Variants in SLC39A3 observed in about 807,000 individuals in gnomAD.
SLC39A3 encodes the protein solute carrier family 39 member 3.
A neutral mutation model predicts 5.1 loss-of-function variants in SLC39A3; 3 were observed. That is an observed-to-expected ratio of 0.59 (90% CI 0.27 to 1.54). SLC39A3 has a LOEUF of 1.54. Ranked by LOEUF, SLC39A3 falls within the 40% of genes most tolerant of loss-of-function variation. The probability of loss-of-function intolerance (pLI) is 0.12; values close to 1 mark genes in which losing one functional copy is unlikely to be tolerated. For synonymous variants in SLC39A3, 250 were observed against 218.8 expected, an observed-to-expected ratio of 1.14 and a Z score of -1.26; for missense variants, 412 against 436.4, an observed-to-expected ratio of 0.94 and a Z score of 0.50.
intron 1 of SLC39A3, chr19:2,737,826 A>T (rs532644269): frequency 6.5e-6 from 1 of 153,416 alleles, no homozygotes; most frequent in African/African-American, 2.4e-5. Context: ...TATATATATA[A>T]CTATTCCATT....
intron 1 of SLC39A3, among the ~76,000 whole-genome samples, chr19:2,738,391 C>A (rs923587860): frequency 6.6e-6 from 1 of 151,954 alleles, no homozygotes; most frequent in African/African-American, 2.4e-5. Context: ...CTTCCCCATG[C>A]CCCGAAATAA....
intron 1 of SLC39A3, among the ~76,000 whole-genome samples, chr19:2,738,843 A>G (rs1914456807): frequency 1.3e-5 from 2 of 152,084 alleles, no homozygotes; most frequent in South Asian, 4.2e-4. Flanking sequence ...AGGCTGAGGC[A>G]GGAGAATCAC....
At position 2,733,542 on chromosome 19, in the gene SLC39A3, A is replaced by G; in HGVS notation, c.211-57T>C. 1 of 1,549,722 alleles carries G rather than the reference A, an allele frequency of 6.5e-7. No homozygotes were observed. Among genetic ancestry groups the G allele is most frequent in the Non-Finnish European group, 8.7e-7 (1 of 1,150,214 alleles). ...AGACCCACGCTCAGGGGTGGCGGCG[A>G]CAGGGCTGGCCAGATGTCACCGTTC... On this transcript the variant is annotated intron_variant, in intron 2 of 2. Coordinates refer to ENST00000269740, the MANE Select transcript of SLC39A3 (RefSeq NM_144564.5). The surrounding 1 kb of genome is among the most constrained non-coding windows in gnomAD (Gnocchi z 6.1).
chr19:2,738,287 C>T (rs1447440700), intron 1 of SLC39A3, among the ~76,000 whole-genome samples: 2 of 151,824 alleles, frequency 1.3e-5, no homozygotes, highest in Non-Finnish European at 2.9e-5. Context: ...AGTAGTCACA[C>T]AAGCCTACTT....
chr19:2,738,936 C>CAA (rs1239798016), intron 1 of SLC39A3, among the ~76,000 whole-genome samples: 1 of 129,824 alleles, frequency 7.7e-6, no homozygotes, highest in Non-Finnish European at 1.7e-5. Flanking sequence ...GACTCTGTCT[C>CAA]AAAAAAAAAA....
At chr19:2,737,991 G>A (rs1914427966) in intron 1 of SLC39A3, among the ~76,000 whole-genome samples, 1 of 151,658 alleles carries the variant, frequency 6.6e-6, no homozygotes, top group Non-Finnish European at 1.5e-5. Context: ...CTGAGGTCAG[G>A]AATTCGAGAC....
Position 2,733,108 on chromosome 19 carries a change from T to C in SLC39A3, c.588A>G (p.Lys196=). ...CCACCCCCACGAACAGGCTCACCAC[T>C]TTCTCCCCCTCCTCCTGCAGGCCCA... is the stretch of plus-strand genomic sequence containing the variant. ...LALGLQEEGE[K]VVSLFVGVAV... The change falls in exon 3 of 3, where the codon AAA becomes AAG. Residue 196 remains lysine, a synonymous_variant. Coordinates refer to ENST00000269740, the MANE Select transcript of SLC39A3 (RefSeq NM_144564.5). The surrounding 1 kb of genome is among the most constrained non-coding windows in gnomAD (Gnocchi z 6.1). The C allele has an allele frequency of 6.2e-7, 1 of 1,610,174 alleles. No homozygotes were observed. The highest frequency in any genetic ancestry group is 8.5e-7 in the Non-Finnish European group (1 of 1,178,910).
At position 2,734,260 on chromosome 19, in the gene SLC39A3, G is replaced by A. The variant is rs1914285777; in HGVS notation, c.211-775C>T. Among the ~76,000 whole-genome samples the A allele has an allele frequency of 6.6e-6, 1 of 152,230 alleles. No homozygotes were observed. Among genetic ancestry groups the A allele is most frequent in the Non-Finnish European group, 1.5e-5 (1 of 68,044 alleles). Reference sequence around the variant, plus strand: ...GCTCCCTGGAGCCTCGTCACGGCAGGGCCAGAGTTCACAGCCACCCTCCAG... The same window carrying A: ...GCTCCCTGGAGCCTCGTCACGGCAGAGCCAGAGTTCACAGCCACCCTCCAG... On this transcript the variant is annotated intron_variant, in intron 2 of 2. Transcript: ENST00000269740. The surrounding 1 kb of genome is among the most constrained non-coding windows in gnomAD (Gnocchi z 4.6).
chr19:2,732,991 G>A lies in SLC39A3; in HGVS notation c.705C>T (p.Thr235=), dbSNP rs1252404846. 34 of 1,598,240 alleles carry A rather than the reference G, an allele frequency of 2.1e-5. No individual in the cohort carries two copies. The highest frequency in any genetic ancestry group is 9.0e-5 in the East Asian group (4 of 44,394). Residue 235 remains threonine (T), a synonymous_variant, in exon 3 of 3, where the codon ACC becomes ACT. Transcript: ENST00000269740. ...TGCCCAGGGGGATCATGGCGCTTACGGTGACCGCCAGCTTGGCCGCGTCCC... is the reference window on the plus strand; with the variant it reads ...TGCCCAGGGGGATCATGGCGCTTACAGTGACCGCCAGCTTGGCCGCGTCCC... ...PLRDAAKLAV[T]VSAMIPLGIG...
At position 2,734,699 on chromosome 19, in the gene SLC39A3, T is replaced by G; in HGVS notation, c.211-1214A>C. 1 of 980,868 alleles carries G rather than the reference T, an allele frequency of 1.0e-6. No homozygotes were observed. The highest frequency in any genetic ancestry group is 1.2e-6 in the Non-Finnish European group (1 of 825,766). 60.8% of individuals were successfully genotyped at this position (980,868 alleles called of 1,614,324 possible). Reference sequence around the variant, plus strand: ...GCACCCCCCATCGTGACAACCACAATGTCCCCAGGCATCGCCCAGTGTTCC... The same window carrying G: ...GCACCCCCCATCGTGACAACCACAAGGTCCCCAGGCATCGCCCAGTGTTCC... On this transcript the variant is annotated intron_variant, in intron 2 of 2. Coordinates refer to ENST00000269740, the MANE Select transcript of SLC39A3 (RefSeq NM_144564.5). This position sits in a 1 kb window ranked among gnomAD's most constrained non-coding sequence, Gnocchi z 4.6.
chr19:2,733,003 C>T lies in SLC39A3; in HGVS notation c.693G>A (p.Lys231=). 1 of 1,598,160 alleles carries T rather than the reference C, an allele frequency of 6.3e-7. No individual in the cohort carries two copies. The highest frequency in any genetic ancestry group is 8.5e-7 in the Non-Finnish European group (1 of 1,170,968). ...RSAMPLRDAA[K]LAVTVSAMIP... ...TCATGGCGCTTACGGTGACCGCCAG[C>T]TTGGCCGCGTCCCGCAGGGGCATGG... The change falls in exon 3 of 3, where the codon AAG becomes AAA. Residue 231 remains lysine, a synonymous_variant. Coordinates refer to ENST00000269740, the MANE Select transcript of SLC39A3 (RefSeq NM_144564.5). This position sits in a 1 kb window ranked among gnomAD's most constrained non-coding sequence, Gnocchi z 6.1.
rs189480000 is a variant in SLC39A3, at chr19:2,735,933, T to A, written c.210+1115A>T. Reference sequence around the variant, plus strand: ...AGGGCCAGGGGTTGGGGGATAAGCTTAGGGCTTCCATGCTTTCGTTGGGAG... The same window carrying A: ...AGGGCCAGGGGTTGGGGGATAAGCTAAGGGCTTCCATGCTTTCGTTGGGAG... On this transcript the variant is annotated intron_variant, in intron 2 of 2. Coordinates refer to ENST00000269740, the MANE Select transcript of SLC39A3 (RefSeq NM_144564.5). The surrounding 1 kb of genome is among the most constrained non-coding windows in gnomAD (Gnocchi z 5.7). 534 of 985,456 alleles carry A rather than the reference T, an allele frequency of 5.4e-4. 2 individuals are homozygous for A. In the African/African-American group the frequency reaches 8.8e-3, roughly 16 times the overall value. 61.0% of individuals were successfully genotyped at this position (985,456 alleles called of 1,614,324 possible). A position where few individuals can be genotyped will look rare whatever the true frequency, so the allele number is the denominator to read the frequency against.
intron 1 of SLC39A3, among the ~76,000 whole-genome samples, chr19:2,738,199 C>CAAAAAAAAAAAA: frequency 2.0e-5 from 1 of 50,904 alleles, no homozygotes; most frequent in Non-Finnish European, 4.4e-5. Flanking sequence ...AACTCCATCT[C>CAAAAAAAAAAAA]AAAAAAAAAA....
intron 2 of SLC39A3, 164 bp downstream of exon 2, chr19:2,736,884 A>G: frequency 6.6e-7 from 1 of 1,509,946 alleles, no homozygotes; most frequent in East Asian, 2.5e-5. Flanking sequence ...GCACAGAGAC[A>G]GAAAGTAACC....
In SLC39A3 at chr19:2,736,967, T is replaced by G. The variant is rs765755920; in HGVS notation, c.210+81A>C. The G allele has an allele frequency of 9.8e-5, 156 of 1,591,074 alleles. No individual in the cohort carries two copies. In the Admixed American group the frequency reaches 2.7e-3, roughly 28 times the overall value. On this transcript the variant is annotated intron_variant, in intron 2 of 2. Transcript: ENST00000269740. ...ACAGCATCAAGGCCTTCACTGAACT[T>G]GGCATCAGTGTTGAAAATGCATCAG...
rs1468115353 is a variant in SLC39A3, at chr19:2,732,868, G to A, written c.828C>T (p.Ile276=). ...CCTTGGCCAGGATCTCCAGGAAGGTGATGAAGAGGAAGGTGCCGCCCGCCA... is the reference window on the plus strand; with the variant it reads ...CCTTGGCCAGGATCTCCAGGAAGGTAATGAAGAGGAAGGTGCCGCCCGCCA... ...QGLAGGTFLF[I]TFLEILAKEL... Residue 276 remains isoleucine, a synonymous_variant, in exon 3 of 3, where the codon ATC becomes ATT. Transcript: ENST00000269740. 1.9e-6 allele frequency: 3 copies of A among 1,611,948 alleles called. No homozygotes were observed. The highest frequency in any genetic ancestry group is 1.3e-5 in the African/African-American group (1 of 74,892).
rs567185975 is a variant in SLC39A3, at chr19:2,736,815, G to A, written c.210+233C>T. The A allele has an allele frequency of 1.8e-3, 2,571 of 1,458,710 alleles. 3 individuals carry two copies. The highest frequency in any genetic ancestry group is 2.1e-3 in the Non-Finnish European group (2,338 of 1,103,998). 90.4% of individuals were successfully genotyped at this position (1,458,710 alleles called of 1,614,324 possible). On this transcript the variant is annotated intron_variant, in intron 2 of 2. Coordinates refer to ENST00000269740, the MANE Select transcript of SLC39A3 (RefSeq NM_144564.5). ...CTGGTCTGATTATCAGGTGACAACC[G>A]ACAAGTCCACCTGTTGGGAATCCCA... is the stretch of plus-strand genomic sequence containing the variant.
At position 2,733,012 on chromosome 19, in the gene SLC39A3, G is replaced by A. The variant is rs777195462; in HGVS notation, c.684C>T (p.Asp228=). The part of the protein sequence containing the change: ...SMARSAMPLR[D]AAKLAVTVSA... ...TTACGGTGACCGCCAGCTTGGCCGC[G>A]TCCCGCAGGGGCATGGCACTCCGGG... The change falls in exon 3 of 3, where the codon GAC becomes GAT. Residue 228 remains aspartate, a synonymous_variant. Coordinates refer to ENST00000269740, the MANE Select transcript of SLC39A3 (RefSeq NM_144564.5). This position sits in a 1 kb window ranked among gnomAD's most constrained non-coding sequence, Gnocchi z 6.1. 66 of 1,599,916 alleles carry A rather than the reference G, an allele frequency of 4.1e-5. No individual in the cohort carries two copies. The highest frequency in any genetic ancestry group is 2.0e-4 in the South Asian group (18 of 90,138).
chr19:2,738,806 G>A (rs535197644), intron 1 of SLC39A3, among the ~76,000 whole-genome samples: 5 of 152,042 alleles, frequency 3.3e-5, no homozygotes, highest in African/African-American at 7.2e-5. Context: ...GTGTGGTAGT[G>A]GGCACCTGTA....
Sources: gnomAD v4.1 joint callset for allele counts (sites outside exome capture counted in the v4.1 genomes callset) on GRCh38, gnomAD v4.1.1 for gene constraint, Gnocchi (gnomAD v3.1) non-coding constraint, MANE v1.5 for transcripts, NCBI Gene and HGNC (gene_info 2026-07-23, HGNC 2026-07-21) for gene names.